Variants in BCR observed in about 807,000 individuals in gnomAD.
The protein encoded by BCR is breakpoint cluster region protein.
In BCR, 58 loss-of-function variants were observed where a neutral mutation model predicts 138.6. The observed-to-expected ratio is 0.42, with a 90% CI of 0.34 to 0.52. BCR has a LOEUF of 0.52. Among genes scored for constraint, BCR ranks in the 20% least tolerant of loss-of-function variants. BCR has a pLI of 0.06. For synonymous variants in BCR, 786 were observed against 730.1 expected, an observed-to-expected ratio of 1.08 and a Z score of -1.23; for missense variants, 1,599 against 1,727.2, an observed-to-expected ratio of 0.93 and a Z score of 1.32.
chr22:23,196,135 G>A (rs1470705182), intron 1 of BCR, among the ~76,000 whole-genome samples: 2 of 152,182 alleles, frequency 1.3e-5, no homozygotes, highest in African/African-American at 4.8e-5. Context: ...CCACTTCTCA[G>A]TGTGCAGTTT....
At chr22:23,294,649 T>C (rs1315797150) in intron 15 of BCR, among the ~76,000 whole-genome samples, 1 of 152,204 alleles carries the variant, frequency 6.6e-6, no homozygotes. Context: ...TCTGCCCACC[T>C]TGGCCTCCCA....
At chr22:23,245,763 T>TGTTCCGG (rs1212485870) in intron 1 of BCR, among the ~76,000 whole-genome samples, 5 of 151,730 alleles carry the variant, frequency 3.3e-5, no homozygotes, top group Admixed American at 1.3e-4. Flanking sequence ...AGTGGAATTA[T>TGTTCCGG]GTTCCGGGTT....
intron 16 of BCR, among the ~76,000 whole-genome samples, 192 bp from the exon 17 acceptor site, chr22:23,309,232 G>C (rs1379028201): frequency 6.6e-6 from 1 of 152,170 alleles, no homozygotes; most frequent in Non-Finnish European, 1.5e-5. Flanking sequence ...GGAGCAGTGG[G>C]GCCCTGGGTT....
intron 1 of BCR, chr22:23,242,904 C>T: frequency 2.2e-6 from 1 of 455,702 alleles, no homozygotes; most frequent in Non-Finnish European, 4.4e-6. Context: ...CTTTCTGTTC[C>T]CAGCATCTGA....
intron 2 of BCR, among the ~76,000 whole-genome samples, chr22:23,259,878 C>T (rs753820872): frequency 1.3e-5 from 2 of 152,124 alleles, no homozygotes; most frequent in East Asian, 3.9e-4. Context: ...GTCCCAGCTA[C>T]TTGGGAGGCT....
chr22:23,250,008 C>T lies in BCR; in HGVS notation c.1280-3791C>T, dbSNP rs79334278. On this transcript the variant is annotated intron_variant, in intron 1 of 22. Coordinates refer to ENST00000305877, the MANE Select transcript of BCR (RefSeq NM_004327.4). The stretch of plus-strand genomic sequence containing the variant: ...GACCTAGTCTCTCTGTCTCACCTGG[C>T]GGGGTGATGTGTCCACTTCAAAGTC... 2.4e-3 allele frequency among the ~76,000 whole-genome samples: 360 copies of T among 152,328 alleles called. 3 individuals carry two copies. The highest frequency in any genetic ancestry group is 8.2e-3 in the African/African-American group (339 of 41,576).
intron 8 of BCR, among the ~76,000 whole-genome samples, chr22:23,274,658 C>T (rs1406379898): frequency 2.6e-5 from 4 of 152,116 alleles, no homozygotes; most frequent in Admixed American, 2.6e-4. Context: ...GCCTGTAATC[C>T]TAGCACTTTG....
chr22:23,181,199 C>T lies in BCR; in HGVS notation c.239C>T (p.Ala80Val), dbSNP rs1480845771. 2.4e-5 allele frequency: 31 copies of T among 1,290,740 alleles called. No homozygotes were observed. The highest frequency in any genetic ancestry group is 3.0e-5 in the Non-Finnish European group (30 of 1,000,006). 80.0% of individuals were successfully genotyped at this position (1,290,740 alleles called of 1,614,324 possible). A position where few individuals can be genotyped will look rare whatever the true frequency, so the allele number is the denominator to read the frequency against. Reference protein sequence around the residue: ...YDRQRWGFRRAAQAPDGASEP... With the variant: ...YDRQRWGFRRVAQAPDGASEP... ...CGGCAGCGATGGGGCTTCCGGCGCG[C>T]GGCGCAGGCCCCCGACGGCGCCTCC... The change falls in exon 1 of 23, where the codon GCG (alanine) becomes GTG (valine). Residue 80 changes from alanine to valine, a missense_variant. Ala to Val is a moderately conservative substitution (Grantham distance 64). Transcript: ENST00000305877.
At chr22:23,289,392 C>G in intron 12 of BCR, 125 bp from the exon 13 acceptor site, 1 of 774,052 alleles carries the variant, frequency 1.3e-6, no homozygotes, top group Non-Finnish European at 2.2e-6. Flanking sequence ...TCCTGAGCCC[C>G]CAAGCCCTGG....
chr22:23,244,491 T>C, intron 1 of BCR, among the ~76,000 whole-genome samples: 1 of 152,152 alleles, frequency 6.6e-6, no homozygotes, highest in Non-Finnish European at 1.5e-5. Context: ...GGAGAGGCCC[T>C]GCTGTCCTTC....
intron 20 of BCR, 104 bp downstream of exon 20, chr22:23,313,125 C>A: frequency 7.1e-7 from 1 of 1,405,952 alleles, no homozygotes. Flanking sequence ...GCTGTGCCCC[C>A]TCTGCCATGG....
intron 1 of BCR, among the ~76,000 whole-genome samples, chr22:23,215,281 G>C (rs1402810005): frequency 6.6e-6 from 1 of 152,178 alleles, no homozygotes; most frequent in Non-Finnish European, 1.5e-5. Context: ...GCATGCTGCT[G>C]TGAACACGGG....
At chr22:23,256,454 T>A (rs2073296159) in intron 2 of BCR, among the ~76,000 whole-genome samples, 1 of 152,084 alleles carries the variant, frequency 6.6e-6, no homozygotes, top group South Asian at 2.1e-4. Flanking sequence ...CCCAGGACCC[T>A]GTACAGAGGC....
At chr22:23,291,469 C>T (rs2073786429) in intron 14 of BCR, among the ~76,000 whole-genome samples, 1 of 152,056 alleles carries the variant, frequency 6.6e-6, no homozygotes, top group Non-Finnish European at 1.5e-5. Flanking sequence ...AATCTTTCTC[C>T]TGGGCCCCTG....
intron 1 of BCR, among the ~76,000 whole-genome samples, chr22:23,253,255 A>G (rs1419300346): frequency 1.3e-5 from 2 of 152,160 alleles, no homozygotes; most frequent in Non-Finnish European, 2.9e-5. Flanking sequence ...GGCCTTTTGG[A>G]CAGCCCTCAT....
intron 8 of BCR, among the ~76,000 whole-genome samples, chr22:23,275,368 G>T (rs5759673): frequency 3.3e-5 from 5 of 152,336 alleles, no homozygotes; most frequent in Admixed American, 6.5e-5. Context: ...CTTTGCAGCA[G>T]GGTGGGAACA....
chr22:23,210,246 T>A (rs2072665408), intron 1 of BCR, among the ~76,000 whole-genome samples: 1 of 151,762 alleles, frequency 6.6e-6, no homozygotes, highest in Non-Finnish European at 1.5e-5. Context: ...TGAGACCCCA[T>A]CTCTACAAAA....
intron 1 of BCR, among the ~76,000 whole-genome samples, chr22:23,221,621 C>G (rs2072825540): frequency 6.6e-6 from 1 of 152,234 alleles, no homozygotes; most frequent in Non-Finnish European, 1.5e-5. Flanking sequence ...GAGAAAGCTG[C>G]TGGCTCTGAT....
At position 23,182,038 on chromosome 22, in the gene BCR, T is replaced by C. The variant is rs1422454944; in HGVS notation, c.1078T>C (p.Tyr360His). 1 of 1,613,456 alleles carries C rather than the reference T, an allele frequency of 6.2e-7. No individual in the cohort carries two copies. Among genetic ancestry groups the C allele is most frequent in the Non-Finnish European group, 8.5e-7 (1 of 1,179,850 alleles). Residue 360 changes from tyrosine to histidine, a missense_variant, in exon 1 of 23, where the codon TAC (tyrosine) becomes CAC (histidine). By Grantham distance (83) the Tyr-to-His change is moderately conservative. This residue lies in a region of BCR where 806 missense variants were observed against 635.0 expected (regional missense o/e 1.27). Transcript: ENST00000305877. ...SSRVSPSPTT[Y>H]RMFRDKSRSP... is the part of the protein sequence containing the mutation. ...CCGCGTGTCCCCAAGCCCCACCACCTACCGCATGTTCCGGGACAAAAGCCG... is the reference window on the plus strand; with the variant it reads ...CCGCGTGTCCCCAAGCCCCACCACCCACCGCATGTTCCGGGACAAAAGCCG...
Sources: gnomAD v4.1 joint callset for allele counts (sites outside exome capture counted in the v4.1 genomes callset) on GRCh38, gnomAD v4.1.1 for gene constraint, gnomAD v4.1.1 regional missense constraint, MANE v1.5 for transcripts, NCBI Gene and HGNC (gene_info 2026-07-23, HGNC 2026-07-21) for gene names.